Variants in FYB1 observed in about 807,000 individuals in gnomAD.
The protein encoded by FYB1 is FYN-binding protein 1.
Under a neutral mutation model 94.1 loss-of-function variants are expected in FYB1, and 41 were observed. That is an observed-to-expected ratio of 0.44 (90% CI 0.34 to 0.57). FYB1 has a LOEUF of 0.57. Ranked by LOEUF, FYB1 falls within the 20% of genes least tolerant of loss-of-function variation. The pLI, the probability that FYB1 is intolerant of heterozygous loss-of-function variation, is 0.02. For missense variants in FYB1, 1,050 were observed against 976.8 expected (o/e 1.07, Z -1.00); for synonymous variants, 367 against 353.2 (o/e 1.04, Z -0.44).
intron 1 of FYB1, among the ~76,000 whole-genome samples, chr5:39,229,020 G>T (rs1254743520): frequency 6.6e-6 from 1 of 152,126 alleles, no homozygotes; most frequent in Non-Finnish European, 1.5e-5. Context: ...TCTTACAGTG[G>T]CAGAAGATCT....
intron 1 of FYB1, among the ~76,000 whole-genome samples, chr5:39,216,121 G>A (rs2150539658): frequency 6.6e-6 from 1 of 152,230 alleles, no homozygotes; most frequent in East Asian, 1.9e-4. Context: ...GACACCTTGA[G>A]TTTAGACTTC....
At chr5:39,194,620 G>C (rs1320782865) in intron 2 of FYB1, among the ~76,000 whole-genome samples, 1 of 152,190 alleles carries the variant, frequency 6.6e-6, no homozygotes, top group East Asian at 1.9e-4. Context: ...AACGGATGCT[G>C]CTGGGATAGG....
At chr5:39,125,825 G>A (rs1056148211) in intron 12 of FYB1, 173 bp downstream of exon 12, 7 of 584,598 alleles carry the variant, frequency 1.2e-5, no homozygotes, top group African/African-American at 7.5e-5. Context: ...TTTATGTAAT[G>A]CAGGAGCTTA....
At chr5:39,130,016 T>C (rs940514945) in intron 10 of FYB1, among the ~76,000 whole-genome samples, 9 of 151,802 alleles carry the variant, frequency 5.9e-5, no homozygotes, top group African/African-American at 2.2e-4. Context: ...CTAATTATCA[T>C]TGGATGAATG....
At chr5:39,270,095 C>T (rs74760779) in intron 1 of FYB1, among the ~76,000 whole-genome samples, 17,164 of 151,874 alleles carry the variant, frequency 0.11, 1,234 homozygotes, top group African/African-American at 0.2. Context: ...GCTTTTTTTG[C>T]GTCTCTTAAT....
At chr5:39,127,059 CAAAAAAAA>C (rs200980181) in intron 11 of FYB1, among the ~76,000 whole-genome samples, 13 of 77,480 alleles carry the variant, frequency 1.7e-4, no homozygotes, top group Non-Finnish European at 2.7e-4. Context: ...ACTCAGGTCT[CAAAAAAAA>C]AAAAAAAAAA....
chr5:39,159,966 T>C (rs1309779956), intron 2 of FYB1, among the ~76,000 whole-genome samples: 1 of 152,202 alleles, frequency 6.6e-6, no homozygotes, highest in African/African-American at 2.4e-5. Context: ...TCCCCCACCC[T>C]AGATACCAGC....
intron 1 of FYB1, among the ~76,000 whole-genome samples, chr5:39,247,497 G>A (rs1245035259): frequency 6.6e-6 from 1 of 151,910 alleles, no homozygotes; most frequent in East Asian, 1.9e-4. Flanking sequence ...CATAGTTTTG[G>A]CACAGTTCAG....
At chr5:39,244,308 T>C (rs902222263) in intron 1 of FYB1, among the ~76,000 whole-genome samples, 2 of 152,200 alleles carry the variant, frequency 1.3e-5, no homozygotes, top group African/African-American at 4.8e-5. Flanking sequence ...TGTTTTGAGG[T>C]ACGTCCCATC....
At position 39,122,458 on chromosome 5, in the gene FYB1, G is replaced by A. The variant is rs1024189598; in HGVS notation, c.2072-56C>T. On this transcript the variant is annotated intron_variant, in intron 13 of 18. Coordinates refer to ENST00000512982, the MANE Select transcript of FYB1 (RefSeq NM_001465.6). ...ACACTGTTAGTTTAGATTTTGATAT[G>A]AGCATTCAATGATGTTTTTAATATA... is the stretch of plus-strand genomic sequence containing the variant. The A allele has an allele frequency of 6.0e-6, 6 of 1,004,086 alleles. No homozygotes were observed. The African/African-American group carries it at 9.7e-5, about 16-fold the overall frequency. 62.2% of individuals were successfully genotyped at this position (1,004,086 alleles called of 1,614,324 possible).
intron 11 of FYB1, among the ~76,000 whole-genome samples, chr5:39,127,499 T>C (rs1026953839): frequency 6.6e-6 from 1 of 151,896 alleles, no homozygotes; most frequent in Non-Finnish European, 1.5e-5. Context: ...ATTTATCTTT[T>C]GTTTTCATTT....
chr5:39,209,792 G>T (rs1404013505), intron 1 of FYB1, among the ~76,000 whole-genome samples: 1 of 152,166 alleles, frequency 6.6e-6, no homozygotes, highest in African/African-American at 2.4e-5. Context: ...TCCATAATAT[G>T]CATTGAACGT....
At chr5:39,138,916 C>A (rs1741901981) in intron 5 of FYB1, 1 of 574,440 alleles carries the variant, frequency 1.7e-6, no homozygotes, top group South Asian at 1.9e-5. Flanking sequence ...GTAAGTTTGG[C>A]TTATTTAAAA....
chr5:39,179,009 G>A (rs987854804), intron 2 of FYB1, among the ~76,000 whole-genome samples: 1 of 152,112 alleles, frequency 6.6e-6, no homozygotes, highest in African/African-American at 2.4e-5. Flanking sequence ...TGTAAATGTC[G>A]GCTTGTTTGT....
chr5:39,257,528 A>C (rs1751991004), intron 1 of FYB1, among the ~76,000 whole-genome samples: 1 of 151,978 alleles, frequency 6.6e-6, no homozygotes, highest in African/African-American at 2.4e-5. Flanking sequence ...AACCCATGCA[A>C]CTCTTAAAAT....
At chr5:39,120,984 T>A (rs1740041257) in intron 14 of FYB1, among the ~76,000 whole-genome samples, 1 of 151,950 alleles carries the variant, frequency 6.6e-6, no homozygotes, top group African/African-American at 2.4e-5. Flanking sequence ...TTTATTGAAA[T>A]TTATTTAAAA....
intron 3 of FYB1, among the ~76,000 whole-genome samples, chr5:39,149,409 T>C (rs1388290518): frequency 6.6e-6 from 1 of 152,208 alleles, no homozygotes. Context: ...GCTCTAATGC[T>C]TGGCTCCTGC....
chr5:39,154,590 T>A (rs889724432), intron 2 of FYB1, among the ~76,000 whole-genome samples: 1 of 151,492 alleles, frequency 6.6e-6, no homozygotes, highest in African/African-American at 2.4e-5. Flanking sequence ...CACTGCAACC[T>A]CTGCCTCCCA....
At chr5:39,110,218 G>T (rs1044495176) in intron 17 of FYB1, 138 bp downstream of exon 17, 1 of 519,654 alleles carries the variant, frequency 1.9e-6, no homozygotes, top group African/African-American at 2.0e-5. Flanking sequence ...ACATGTTAAC[G>T]TTAGTATAGC....
Sources: gnomAD v4.1 joint callset for allele counts (sites outside exome capture counted in the v4.1 genomes callset) on GRCh38, gnomAD v4.1.1 for gene constraint, MANE v1.5 for transcripts, NCBI Gene and HGNC (gene_info 2026-07-23, HGNC 2026-07-21) for gene names.